The following UNC13A variants were observed in gnomAD, a reference collection of about 807,000 sequenced individuals.
The protein encoded by UNC13A is unc-13 homolog A, also known as protein unc-13 homolog A.
UNC13A carries 61 observed loss-of-function variants against 219.7 expected under a neutral mutation model. The observed-to-expected ratio is 0.28, with a 90% CI of 0.23 to 0.34. The LOEUF is 0.34. Among genes scored for constraint, UNC13A ranks in the 10% least tolerant of loss-of-function variants. The probability of loss-of-function intolerance (pLI) is 1.00; values close to 1 mark genes in which losing one functional copy is unlikely to be tolerated. For synonymous variants in UNC13A, 920 were observed against 884.6 expected, an observed-to-expected ratio of 1.04 and a Z score of -0.71; for missense variants, 1,476 against 2,270.3, an observed-to-expected ratio of 0.65 and a Z score of 7.11.
intron 9 of UNC13A, among the ~76,000 whole-genome samples, chr19:17,657,766 G>A (rs552968708): frequency 6.6e-6 from 1 of 152,054 alleles, no homozygotes; most frequent in South Asian, 2.1e-4. Flanking sequence ...CTACTGGGGA[G>A]GCTGAGGCAG....
chr19:17,631,225 T>C (rs1417047713), intron 28 of UNC13A, among the ~76,000 whole-genome samples: 19 of 91,534 alleles, frequency 2.1e-4, no homozygotes, highest in African/African-American at 2.5e-4. Context: ...CCTTCCTTCT[T>C]CCTTCCTTCC....
intron 9 of UNC13A, 108 bp downstream of exon 9, chr19:17,657,954 T>C: frequency 8.6e-7 from 1 of 1,167,552 alleles, no homozygotes. Flanking sequence ...ATGGGTGAAT[T>C]CTGCCCTTCT....
chr19:17,674,752 T>C lies in UNC13A; in HGVS notation c.57A>G (p.Lys19=). 6.2e-7 allele frequency: 1 copy of C among 1,613,888 alleles called. No individual in the cohort carries two copies. The highest frequency in any genetic ancestry group is 1.6e-4 in the Middle Eastern group (1 of 6,062). ...KKAKFDGAQE[K]FNTYVTLKVQ... is the part of the protein sequence containing the mutation. ...CTTTCAGGGTCACGTACGTGTTGAA[T>C]TTCTCTGTGGCAGTGAGAGTAGGGG... Residue 19 remains lysine (K), a synonymous_variant, in exon 3 of 44, where the codon AAA becomes AAG. Transcript: ENST00000519716. This position sits in a 1 kb window ranked among gnomAD's most constrained non-coding sequence, Gnocchi z 5.0.
chr19:17,686,698 G>T (rs1017502368), intron 1 of UNC13A, among the ~76,000 whole-genome samples: 1 of 152,050 alleles, frequency 6.6e-6, no homozygotes, highest in Non-Finnish European at 1.5e-5. Flanking sequence ...AGAGAAAGTA[G>T]GCCCCTGTCC....
Position 17,647,311 on chromosome 19 carries a change from G to A in UNC13A, c.1998C>T (p.Ser666=), listed in dbSNP as rs774022787. ...ACCACTTGGACGTGCCGTCCAGCAC[G>A]CTCTGCTTGACCGCCTTCATCTGCT... ...HTQQMKAVKQ[S]VLDGTSKWSA... The change falls in exon 17 of 44, where the codon AGC becomes AGT. Residue 666 remains serine, a synonymous_variant. Transcript: ENST00000519716. 91 of 1,607,894 alleles carry A rather than the reference G, an allele frequency of 5.7e-5. No homozygotes were observed. Among genetic ancestry groups the A allele is most frequent in the South Asian group, 3.8e-4 (34 of 90,110 alleles).
intron 41 of UNC13A, chr19:17,614,394 G>C (rs10415378): frequency 0.21 from 31,837 of 152,088 alleles, 3,623 homozygotes; most frequent in Non-Finnish European, 0.26. Flanking sequence ...GGGGCCACCA[G>C]CCGTGTCCTC....
intron 41 of UNC13A, chr19:17,616,546 TGGA>T (rs1240413913): frequency 1.2e-5 from 6 of 494,516 alleles, no homozygotes; most frequent in African/African-American, 2.3e-5. Context: ...GAGGTGAGGA[TGGA>T]GGAGTGTGTG....
Position 17,666,903 on chromosome 19 carries a change from AG to A in UNC13A, c.469-200del, listed in dbSNP as rs1599399828. Among the ~76,000 whole-genome samples the A allele has an allele frequency of 2.6e-3, 187 of 72,036 alleles. 1 individual carries two copies. Among genetic ancestry groups the A allele is most frequent in the African/African-American group, 8.5e-3 (148 of 17,376 alleles). The allele number at this position is 72,036 out of a possible 152,430, so 47.3% of individuals were successfully genotyped here. A position where few individuals can be genotyped will look rare whatever the true frequency, so the allele number is the denominator to read the frequency against. Reference sequence around the variant, plus strand: ...ACACGAGAGAGAGAGAGAGAGAGAGAGAGAGAGAAAGACAGAGACAGAGACA... The same window carrying A: ...ACACGAGAGAGAGAGAGAGAGAGAGAAGAGAGAAAGACAGAGACAGAGACA... On this transcript the variant is annotated intron_variant, in intron 6 of 43. Coordinates refer to ENST00000519716, the MANE Select transcript of UNC13A (RefSeq NM_001080421.3).
chr19:17,634,852 G>A (rs552803692), intron 26 of UNC13A, among the ~76,000 whole-genome samples: 3 of 151,482 alleles, frequency 2.0e-5, no homozygotes, highest in South Asian at 2.1e-4. Flanking sequence ...GTACCACCAC[G>A]CCCGGTTAAT....
chr19:17,623,721 C>T lies in UNC13A; in HGVS notation c.4198-174G>A, dbSNP rs147889660. ...AAGTCCGAGCCTCCCCGACCATCGTCGCCCATCTATGGCCCCCGCTCACCC... is the reference window on the plus strand; with the variant it reads ...AAGTCCGAGCCTCCCCGACCATCGTTGCCCATCTATGGCCCCCGCTCACCC... On this transcript the variant is annotated intron_variant, in intron 35 of 43. Transcript: ENST00000519716. Among the ~76,000 whole-genome samples, 617 of 152,096 alleles carry T rather than the reference C, an allele frequency of 4.1e-3. 3 individuals carry two copies. Among genetic ancestry groups the T allele is most frequent in the African/African-American group, 0.014 (574 of 41,500 alleles).
intron 43 of UNC13A, among the ~76,000 whole-genome samples, chr19:17,608,334 CTATA>C (rs982244956): frequency 1.6e-3 from 189 of 121,460 alleles, no homozygotes; most frequent in African/African-American, 5.8e-3. Flanking sequence ...ATAATATATA[CTATA>C]TATAATTTTA....
At chr19:17,652,167 T>C (rs1314381665) in intron 12 of UNC13A, among the ~76,000 whole-genome samples, 2 of 152,206 alleles carry the variant, frequency 1.3e-5, no homozygotes, top group Non-Finnish European at 2.9e-5. Flanking sequence ...TGTCCCGCTC[T>C]GTCTCCCAGG....
intron 21 of UNC13A, among the ~76,000 whole-genome samples, chr19:17,641,098 T>C (rs2076964437): frequency 6.6e-6 from 1 of 151,946 alleles, no homozygotes; most frequent in Admixed American, 6.6e-5. Flanking sequence ...AGGCTGGTCT[T>C]GTACTCCTGG....
intron 1 of UNC13A, among the ~76,000 whole-genome samples, chr19:17,685,348 A>C (rs1223001595): frequency 6.6e-6 from 1 of 151,942 alleles, no homozygotes; most frequent in African/African-American, 2.4e-5. Flanking sequence ...GCGCCACCAC[A>C]CCTGGCTAAT....
At chr19:17,683,590 G>A (rs1397858996) in intron 1 of UNC13A, among the ~76,000 whole-genome samples, 1 of 149,980 alleles carries the variant, frequency 6.7e-6, no homozygotes, top group Admixed American at 6.6e-5. Context: ...CTTGGAAGGT[G>A]GAGGTTTCAG....
At chr19:17,662,496 G>T (rs1382472953) in intron 8 of UNC13A, among the ~76,000 whole-genome samples, 3 of 152,112 alleles carry the variant, frequency 2.0e-5, no homozygotes, top group Middle Eastern at 3.4e-3. Context: ...AAAATAAAGT[G>T]CACAACAAAT....
intron 43 of UNC13A, among the ~76,000 whole-genome samples, chr19:17,607,080 C>T (rs2076539709): frequency 1.3e-5 from 2 of 152,062 alleles, no homozygotes; most frequent in African/African-American, 4.8e-5. Context: ...CTAGACCATG[C>T]TTCTCCTCCT....
chr19:17,616,133 G>A (rs1307930202), intron 41 of UNC13A, among the ~76,000 whole-genome samples: 1 of 152,194 alleles, frequency 6.6e-6, no homozygotes, highest in Non-Finnish European at 1.5e-5. Flanking sequence ...AACCTGACAG[G>A]TGCCTGTCCC....
chr19:17,617,894 T>C (rs771394815), intron 40 of UNC13A, 45 bp from the exon 41 acceptor site: 2 of 1,608,540 alleles, frequency 1.2e-6, no homozygotes, highest in Non-Finnish European at 1.7e-6. Context: ...TGGGAACCTC[T>C]ACCCACTCAT....
Sources: allele counts gnomAD v4.1 joint callset (sites outside exome capture counted in the v4.1 genomes callset), GRCh38; gene constraint gnomAD v4.1.1; non-coding constraint Gnocchi (gnomAD v3.1); transcripts MANE v1.5; gene names NCBI Gene and HGNC (gene_info 2026-07-23, HGNC 2026-07-21).